TGFBR2: variants seen among roughly 807,000 people sequenced by gnomAD.
The protein encoded by TGFBR2 is transforming growth factor beta receptor 2.
TGFBR2 carries 18 observed loss-of-function variants against 49.0 expected under a neutral mutation model. The ratio of observed to expected loss-of-function variants is 0.37; its 90% CI spans 0.25 to 0.54. TGFBR2 has a LOEUF of 0.54. Ranked by LOEUF, TGFBR2 falls within the 20% of genes least tolerant of loss-of-function variation. The pLI is 0.85. For missense variants in TGFBR2, 525 were observed against 722.6 expected (o/e 0.73, Z 3.13); for synonymous variants, 282 against 275.9 (o/e 1.02, Z -0.22).
rs940934909 is a variant in TGFBR2, at chr3:30,672,822, C to A, written c.1254+385C>A. Among the ~76,000 whole-genome samples the A allele has an allele frequency of 1.3e-5, 2 of 152,064 alleles. No homozygotes were observed. The highest frequency in any genetic ancestry group is 4.8e-5 in the African/African-American group (2 of 41,416). ...ATACTAGCTGTAGTTGTGTTGGTTTCTTTGTATTAAAAGCATCGTGGAAGG... is the reference window on the plus strand; with the variant it reads ...ATACTAGCTGTAGTTGTGTTGGTTTATTTGTATTAAAAGCATCGTGGAAGG... On this transcript the variant is annotated intron_variant, in intron 4 of 6. Coordinates refer to ENST00000295754, the MANE Select transcript of TGFBR2 (RefSeq NM_003242.6). The surrounding 1 kb of genome is among the most constrained non-coding windows in gnomAD (Gnocchi z 4.5).
In TGFBR2 at chr3:30,672,565, A is replaced by G. The variant is rs559296908; in HGVS notation, c.1254+128A>G. The stretch of plus-strand genomic sequence containing the variant: ...GGACACTGGTCTAGGGAATCTAGCC[A>G]AAGTATGGAGTCTGCCTTGAGCATA... On this transcript the variant is annotated intron_variant, in intron 4 of 6. Transcript: ENST00000295754. The surrounding 1 kb of genome is among the most constrained non-coding windows in gnomAD (Gnocchi z 4.5). 2.8e-5 allele frequency: 30 copies of G among 1,058,106 alleles called. No homozygotes were observed. The highest frequency in any genetic ancestry group is 2.6e-4 in the African/African-American group (17 of 64,424). 65.5% of individuals were successfully genotyped at this position (1,058,106 alleles called of 1,614,324 possible). A position where few individuals can be genotyped will look rare whatever the true frequency, so the allele number is the denominator to read the frequency against.
chr3:30,673,538 A>C (rs1476787255), intron 4 of TGFBR2, among the ~76,000 whole-genome samples: 2 of 152,000 alleles, frequency 1.3e-5, no homozygotes, highest in East Asian at 3.9e-4. Context: ...AAAGTGATCC[A>C]GATTTGGTCT....
At chr3:30,662,705 T>C (rs1306566705) in intron 3 of TGFBR2, among the ~76,000 whole-genome samples, 2 of 152,278 alleles carry the variant, frequency 1.3e-5, no homozygotes, top group Non-Finnish European at 2.9e-5. Flanking sequence ...GCATATCTCA[T>C]TCTACACTCC....
chr3:30,651,436 A>C lies in TGFBR2; in HGVS notation c.454+976A>C, dbSNP rs17025963. 3.5e-4 allele frequency among the ~76,000 whole-genome samples: 53 copies of C among 152,186 alleles called. 3 individuals are homozygous for C. The South Asian group carries it at 0.011, about 32-fold the overall frequency. ...TGTCCATCCTTCCATCCACTCATCC[A>C]TCTTTCAGTACAACTATCTGATCAT... On this transcript the variant is annotated intron_variant, in intron 3 of 6. Transcript: ENST00000295754.
Position 30,607,081 on chromosome 3 carries a change from G to A in TGFBR2, c.94+104G>A, listed in dbSNP as rs1205922005. 3.1e-6 allele frequency: 3 copies of A among 981,668 alleles called. No individual in the cohort carries two copies. In the East Asian group the frequency reaches 8.7e-5, roughly 28 times the overall value. 60.8% of individuals were successfully genotyped at this position (981,668 alleles called of 1,614,324 possible). ...TCGGGCCCGGCAACCCGGCCCCCGGGCGGAAACGAGGAAAGTTTCCCCCGC... is the reference window on the plus strand; with the variant it reads ...TCGGGCCCGGCAACCCGGCCCCCGGACGGAAACGAGGAAAGTTTCCCCCGC... On this transcript the variant is annotated intron_variant, in intron 1 of 6. Transcript: ENST00000295754.
At chr3:30,642,409 G>A (rs1411768078) in intron 1 of TGFBR2, among the ~76,000 whole-genome samples, 2 of 152,030 alleles carry the variant, frequency 1.3e-5, no homozygotes, top group African/African-American at 4.8e-5. Flanking sequence ...GAATCATCTG[G>A]GCAGCTTCTA....
At chr3:30,687,358 A>C (rs1408430017) in intron 5 of TGFBR2, among the ~76,000 whole-genome samples, 2 of 152,192 alleles carry the variant, frequency 1.3e-5, no homozygotes, top group Non-Finnish European at 2.9e-5. Flanking sequence ...TATCGTAAGG[A>C]GCCTTTTTAA....
chr3:30,671,468 A>C (rs1699335154), intron 3 of TGFBR2, among the ~76,000 whole-genome samples, 170 bp from the exon 4 acceptor site: 1 of 152,230 alleles, frequency 6.6e-6, no homozygotes, highest in Admixed American at 6.5e-5. Flanking sequence ...AGAGGCAGGG[A>C]AGGCTGAACG....
At chr3:30,607,280 T>C (rs996794374) in intron 1 of TGFBR2, among the ~76,000 whole-genome samples, 2 of 152,140 alleles carry the variant, frequency 1.3e-5, no homozygotes, top group Non-Finnish European at 2.9e-5. Flanking sequence ...AAAGGGAAGT[T>C]TGAGAAGTTG....
Position 30,691,810 on chromosome 3 carries a change from CTG to C in TGFBR2, c.*215_*216del, listed in dbSNP as rs995619926. 1.3e-4 allele frequency: 75 copies of C among 585,806 alleles called. No individual in the cohort carries two copies. In the African/African-American group the frequency reaches 1.3e-3, roughly 10 times the overall value. 36.3% of individuals were successfully genotyped at this position (585,806 alleles called of 1,614,324 possible). On this transcript the variant is annotated 3_prime_UTR_variant, in exon 7 of 7. Transcript: ENST00000295754. ...GCCTTTGACATTGTCATAGGATAAGCTGTGTTAGCACTTCCTCAGGAAATGAG... is the reference window on the plus strand; with the variant it reads ...GCCTTTGACATTGTCATAGGATAAGCTGTTAGCACTTCCTCAGGAAATGAG...
chr3:30,662,785 A>G (rs1025897371), intron 3 of TGFBR2, among the ~76,000 whole-genome samples: 3 of 152,212 alleles, frequency 2.0e-5, no homozygotes, highest in Non-Finnish European at 2.9e-5. Context: ...ATACAGCTGT[A>G]CCAGAGCTTT....
At chr3:30,652,298 G>C (rs987595758) in intron 3 of TGFBR2, among the ~76,000 whole-genome samples, 1 of 128,824 alleles carries the variant, frequency 7.8e-6, no homozygotes, top group African/African-American at 3.0e-5. Context: ...GCAATGGCAC[G>C]ATCTTGGCTC....
At chr3:30,646,871 GTC>G (rs1228303639) in intron 2 of TGFBR2, among the ~76,000 whole-genome samples, 2 of 152,136 alleles carry the variant, frequency 1.3e-5, no homozygotes, top group Admixed American at 6.5e-5. Context: ...TGTGAATCAA[GTC>G]TCTCTAGAAT....
chr3:30,660,079 T>C (rs114221283), intron 3 of TGFBR2, among the ~76,000 whole-genome samples: 2,283 of 152,244 alleles, frequency 0.015, 54 homozygotes, highest in African/African-American at 0.05. Context: ...TTACAAATTA[T>C]GCTTTTTTTT....
At chr3:30,623,395 A>G (rs1057105940) in intron 1 of TGFBR2, 3 of 1,308,986 alleles carry the variant, frequency 2.3e-6, no homozygotes, top group African/African-American at 3.0e-5. Context: ...TCATATTTTC[A>G]TAGCTAAATT....
At chr3:30,631,877 G>A (rs1443612347) in intron 1 of TGFBR2, among the ~76,000 whole-genome samples, 1 of 151,970 alleles carries the variant, frequency 6.6e-6, no homozygotes, top group Non-Finnish European at 1.5e-5. Context: ...TCGATTCAGA[G>A]CCTTCTCCAC....
At chr3:30,650,187 T>C in intron 2 of TGFBR2, 83 bp from the exon 3 acceptor site, 2 of 1,399,132 alleles carry the variant, frequency 1.4e-6, no homozygotes, top group South Asian at 2.3e-5. Flanking sequence ...CAGATTGCCT[T>C]TCTGTCTGGA....
At position 30,669,121 on chromosome 3, in the gene TGFBR2, C is replaced by CAAAAAAAAAAAAAA. The variant is rs56069409; in HGVS notation, c.455-2499_455-2486dup. Among the ~76,000 whole-genome samples, 24 of 83,468 alleles carry CAAAAAAAAAAAAAA rather than the reference C, an allele frequency of 2.9e-4. 1 individual carries two copies. Among genetic ancestry groups the CAAAAAAAAAAAAAA allele is most frequent in the African/African-American group, 1.2e-3 (22 of 18,310 alleles). 54.8% of individuals were successfully genotyped at this position (83,468 alleles called of 152,430 possible). A position where few individuals can be genotyped will look rare whatever the true frequency, so the allele number is the denominator to read the frequency against. On this transcript the variant is annotated intron_variant, in intron 3 of 6. Coordinates refer to ENST00000295754, the MANE Select transcript of TGFBR2 (RefSeq NM_003242.6). The stretch of plus-strand genomic sequence containing the variant: ...TGAAACCCCGTCTCCACTAAAAATA[C>CAAAAAAAAAAAAAA]AAAAAAAAAAAAAAAAAAAAAAAAA...
In TGFBR2 at chr3:30,637,223, G is replaced by A. The variant is rs1054997659; in HGVS notation, c.95-7524G>A. Among the ~76,000 whole-genome samples, 4 of 152,100 alleles carry A rather than the reference G, an allele frequency of 2.6e-5. No homozygotes were observed. The South Asian group carries it at 8.3e-4, about 32-fold the overall frequency. On this transcript the variant is annotated intron_variant, in intron 1 of 6. Transcript: ENST00000295754. ...TACAAAGGTATGGATAGAGTCAAGG[G>A]AAACCACCACAAAATGGGAGAAACC...
Sources: allele counts gnomAD v4.1 joint callset (sites outside exome capture counted in the v4.1 genomes callset), GRCh38; gene constraint gnomAD v4.1.1; non-coding constraint Gnocchi (gnomAD v3.1); transcripts MANE v1.5; gene names NCBI Gene and HGNC (gene_info 2026-07-23, HGNC 2026-07-21).